The following PCDH15 variants were observed in gnomAD, a reference collection of about 807,000 sequenced individuals.
PCDH15 encodes the protein protocadherin related 15.
In PCDH15, 129 loss-of-function variants were observed where a neutral mutation model predicts 178.5. The ratio of observed to expected loss-of-function variants is 0.72; its 90% CI spans 0.63 to 0.84. The LOEUF (loss-of-function observed/expected upper bound fraction) is 0.84, where lower values mean the gene tolerates loss of function less well. Ranked by LOEUF, PCDH15 falls within the 40% of genes least tolerant of loss-of-function variation. PCDH15 has a pLI of 0.00. For synonymous variants in PCDH15, 800 were observed against 732.0 expected (o/e 1.09, Z -1.50); for missense variants, 2,230 against 2,099.9 (o/e 1.06, Z -1.21).
intron 15 of PCDH15, among the ~76,000 whole-genome samples, chr10:54,119,371 C>T (rs2095174535): frequency 6.6e-6 from 1 of 152,062 alleles, no homozygotes; most frequent in Non-Finnish European, 1.5e-5. Context: ...TATTAATAGA[C>T]TGGATCTATC....
chr10:54,722,271 G>A lies in PCDH15; in HGVS notation c.-28-57981C>T, dbSNP rs528815510. ...AACAACCAAAATTATGCTGAATAAG[G>A]GAAAGTTGAAAACAATCTCCATAAG... On this transcript the variant is annotated intron_variant, in intron 1 of 37. Transcript: ENST00000644397. Among the ~76,000 whole-genome samples, 13 of 151,680 alleles carry A rather than the reference G, an allele frequency of 8.6e-5. No individual in the cohort carries two copies. The South Asian group carries it at 2.7e-3, about 32-fold the overall frequency.
intron 8 of PCDH15, among the ~76,000 whole-genome samples, chr10:54,295,713 C>A (rs1341658291): frequency 2.0e-5 from 3 of 152,198 alleles, no homozygotes; most frequent in East Asian, 1.9e-4. Flanking sequence ...GTGGAAGGAA[C>A]AAATTCCAGA....
intron 5 of PCDH15, among the ~76,000 whole-genome samples, chr10:54,368,868 T>C (rs1565099885): frequency 1.3e-5 from 2 of 152,098 alleles, no homozygotes; most frequent in African/African-American, 4.8e-5. Context: ...ATCTAGGCAA[T>C]AAATTTTCAA....
intron 2 of PCDH15, among the ~76,000 whole-genome samples, chr10:55,457,926 TC>T (rs1167237054): frequency 6.6e-6 from 1 of 152,096 alleles, no homozygotes; most frequent in Non-Finnish European, 1.5e-5. Context: ...TAGCAATATG[TC>T]TTTTAGTTTT....
At chr10:54,000,407 T>C (rs1187122650) in intron 20 of PCDH15, among the ~76,000 whole-genome samples, 2 of 152,066 alleles carry the variant, frequency 1.3e-5, no homozygotes, top group African/African-American at 4.8e-5. Flanking sequence ...AAAATAGTTG[T>C]TTTGAGAAAA....
intron 2 of PCDH15, among the ~76,000 whole-genome samples, chr10:55,373,801 T>A (rs1349909821): frequency 6.6e-6 from 1 of 151,976 alleles, no homozygotes; most frequent in Non-Finnish European, 1.5e-5. Context: ...TGGTTTCAGG[T>A]CTTACGTTTA....
At chr10:55,157,129 C>G (rs910757856) in intron 2 of PCDH15, among the ~76,000 whole-genome samples, 1 of 35,532 alleles carries the variant, frequency 2.8e-5, no homozygotes, top group African/African-American at 5.0e-5. Flanking sequence ...CTATCTATAT[C>G]TATCTATCTA....
At chr10:54,161,032 A>C (rs991151453) in intron 13 of PCDH15, among the ~76,000 whole-genome samples, 1 of 152,202 alleles carries the variant, frequency 6.6e-6, no homozygotes, top group African/African-American at 2.4e-5. Flanking sequence ...TATAACAAAC[A>C]GAAAAATAAA....
Position 53,809,149 on chromosome 10 carries a change from T to C in PCDH15, c.4671+1407A>G, listed in dbSNP as rs779964014. 5.0e-6 allele frequency: 8 copies of C among 1,613,974 alleles called. No individual in the cohort carries two copies. The Admixed American group carries it at 1.0e-4, about 20-fold the overall frequency. ...TGATTCAGGGGTGGAACTCTCCTCC[T>C]CCTCAGAGGGTGTCTCTGACTCAGA... On this transcript the variant is annotated intron_variant, in intron 37 of 37. Coordinates refer to ENST00000644397, the MANE Select transcript of PCDH15 (RefSeq NM_001384140.1).
chr10:54,350,289 T>C (rs2583028), intron 5 of PCDH15, among the ~76,000 whole-genome samples: 2 of 152,152 alleles, frequency 1.3e-5, no homozygotes, highest in South Asian at 2.1e-4. Context: ...CAGGGGAGGA[T>C]GGGCAGGCTC....
At chr10:54,215,868 C>A (rs1035437552) in intron 9 of PCDH15, among the ~76,000 whole-genome samples, 12 of 151,148 alleles carry the variant, frequency 7.9e-5, no homozygotes, top group Non-Finnish European at 1.5e-4. Context: ...AGTGAAAGCC[C>A]GCCTCTACTA....
intron 15 of PCDH15, among the ~76,000 whole-genome samples, chr10:54,129,215 G>A (rs1378860238): frequency 6.6e-6 from 1 of 152,050 alleles, no homozygotes; most frequent in East Asian, 1.9e-4. Context: ...TTAAAAGAAA[G>A]TTAACGCAGC....
intron 2 of PCDH15, among the ~76,000 whole-genome samples, chr10:54,989,050 A>T (rs1258127781): frequency 1.3e-5 from 2 of 152,224 alleles, no homozygotes; most frequent in African/African-American, 2.4e-5. Flanking sequence ...GAAAGTGGCC[A>T]ACATAGAGCT....
intron 2 of PCDH15, among the ~76,000 whole-genome samples, chr10:55,385,710 T>TGC (rs1268222148): frequency 1.3e-3 from 189 of 146,324 alleles, no homozygotes; most frequent in African/African-American, 4.6e-3. Flanking sequence ...TATATATATA[T>TGC]ATATATATGC....
chr10:55,412,667 G>A (rs1333821950), intron 2 of PCDH15, among the ~76,000 whole-genome samples: 1 of 151,720 alleles, frequency 6.6e-6, no homozygotes, highest in Non-Finnish European at 1.5e-5. Flanking sequence ...ACACTTGAGA[G>A]GTTAACACAA....
At chr10:53,863,165 G>A (rs967083122) in intron 27 of PCDH15, among the ~76,000 whole-genome samples, 17 of 152,194 alleles carry the variant, frequency 1.1e-4, no homozygotes, top group Non-Finnish European at 2.2e-4. Flanking sequence ...AAAGATGTAA[G>A]TATGAGCGCT....
intron 2 of PCDH15, among the ~76,000 whole-genome samples, chr10:55,123,069 G>A (rs565151044): frequency 6.6e-6 from 1 of 151,914 alleles, no homozygotes; most frequent in Admixed American, 6.6e-5. Context: ...GAAAAAGGTA[G>A]GATATCTATC....
intron 1 of PCDH15, among the ~76,000 whole-genome samples, chr10:55,299,995 G>T (rs1843231800): frequency 1.3e-5 from 2 of 152,204 alleles, no homozygotes; most frequent in East Asian, 1.9e-4. Flanking sequence ...TATTCTAAAT[G>T]CATTCGTTTT....
chr10:54,266,419 A>G (rs1010941476), intron 8 of PCDH15, among the ~76,000 whole-genome samples: 5 of 151,908 alleles, frequency 3.3e-5, no homozygotes, highest in Non-Finnish European at 7.4e-5. Flanking sequence ...GAAAAAAACT[A>G]TATCCAAATA....
Sources: gnomAD v4.1 joint callset for allele counts (sites outside exome capture counted in the v4.1 genomes callset) on GRCh38, gnomAD v4.1.1 for gene constraint, MANE v1.5 for transcripts, NCBI Gene and HGNC (gene_info 2026-07-23, HGNC 2026-07-21) for gene names.